Variants in PDXDC1 observed in about 807,000 individuals in gnomAD.
PDXDC1 encodes pyridoxal-dependent decarboxylase domain-containing protein 1.
A neutral mutation model predicts 100.1 loss-of-function variants in PDXDC1; 42 were observed. The observed-to-expected ratio is 0.42, with a 90% confidence interval of 0.33 to 0.54. The LOEUF is 0.54. Among genes scored for constraint, PDXDC1 ranks in the 20% least tolerant of loss-of-function variants. The probability of loss-of-function intolerance (pLI) is 0.10; values close to 1 mark genes in which losing one functional copy is unlikely to be tolerated. For missense variants in PDXDC1, 636 were observed against 979.2 expected (o/e 0.65, Z 4.68); for synonymous variants, 260 against 371.7 (o/e 0.70, Z 3.46).
chr16:15,067,888 G>A (rs567630271), intron 16 of PDXDC1, among the ~76,000 whole-genome samples: 132 of 152,046 alleles, frequency 8.7e-4, no homozygotes, highest in African/African-American at 3.1e-3. Flanking sequence ...CTCCTGAGTA[G>A]TTGGGACTAC....
intron 14 of PDXDC1, among the ~76,000 whole-genome samples, chr16:15,027,419 C>T (rs1476410093): frequency 4.6e-5 from 7 of 152,264 alleles, no homozygotes; most frequent in African/African-American, 1.7e-4. Context: ...TTAATTTAGC[C>T]GTCTGTAGGC....
At chr16:15,048,162 T>C (rs1164817494) in intron 16 of PDXDC1, 1 of 1,230,034 alleles carries the variant, frequency 8.1e-7, no homozygotes, top group Non-Finnish European at 1.2e-6. Context: ...AAACTAAAGA[T>C]GTGGAGAGAG....
chr16:15,063,447 G>A (rs984154282), intron 16 of PDXDC1, among the ~76,000 whole-genome samples: 4 of 152,036 alleles, frequency 2.6e-5, no homozygotes, highest in Admixed American at 6.6e-5. Context: ...AGTGGCTCAC[G>A]CCTGTAATCC....
chr16:15,110,832 A>G, intron 16 of PDXDC1: 1 of 1,559,720 alleles, frequency 6.4e-7, no homozygotes, highest in East Asian at 2.2e-5. Flanking sequence ...CTAGGAAATA[A>G]TAATATAAGA....
intron 16 of PDXDC1, among the ~76,000 whole-genome samples, chr16:15,090,878 T>G (rs1235111752): frequency 4.0e-5 from 6 of 151,842 alleles, no homozygotes; most frequent in African/African-American, 7.2e-5. Flanking sequence ...GGTTTGTTTT[T>G]TTTTTTTTTT....
chr16:15,084,831 C>T (rs8061051), intron 16 of PDXDC1: 6 of 696,616 alleles, frequency 8.6e-6, no homozygotes, highest in South Asian at 6.2e-5. Context: ...TTTGGGAGGC[C>T]GAGGTGGGTG....
chr16:15,104,368 C>T (rs1186612922), intron 16 of PDXDC1: 11 of 1,598,228 alleles, frequency 6.9e-6, no homozygotes, highest in Admixed American at 3.3e-5. Flanking sequence ...AGATTATCAT[C>T]CACTGAGGGT....
chr16:15,022,480 T>G (rs1413874164), intron 12 of PDXDC1, among the ~76,000 whole-genome samples: 1 of 152,296 alleles, frequency 6.6e-6, no homozygotes, highest in Non-Finnish European at 1.5e-5. Context: ...TTTCCATGTC[T>G]TATTAGAAAC....
intron 17 of PDXDC1, 38 bp from the exon 18 acceptor site, chr16:15,032,823 C>T (rs1176699055): frequency 8.8e-7 from 1 of 1,140,134 alleles, no homozygotes; most frequent in South Asian, 1.2e-5. Flanking sequence ...GACATTTGAT[C>T]TTTTAAGCTG....
intron 16 of PDXDC1, among the ~76,000 whole-genome samples, chr16:15,091,812 C>T (rs1320134575): frequency 6.6e-6 from 1 of 152,134 alleles, no homozygotes; most frequent in East Asian, 1.9e-4. Context: ...TAAACTACCA[C>T]AAAAACAAAA....
At chr16:15,124,457 A>C (rs565426872) in intron 16 of PDXDC1, among the ~76,000 whole-genome samples, 1 of 152,108 alleles carries the variant, frequency 6.6e-6, no homozygotes, top group Non-Finnish European at 1.5e-5. Context: ...ATAGAAAAAC[A>C]ACCCTAAGAA....
At chr16:14,993,963 A>G (rs368824760) in intron 1 of PDXDC1, among the ~76,000 whole-genome samples, 4 of 152,282 alleles carry the variant, frequency 2.6e-5, no homozygotes, top group South Asian at 2.1e-4. Flanking sequence ...GTCTGTTCAT[A>G]TCCTTCGCCC....
At chr16:15,055,549 T>C (rs911923596) in intron 16 of PDXDC1, among the ~76,000 whole-genome samples, 4 of 152,190 alleles carry the variant, frequency 2.6e-5, no homozygotes, top group African/African-American at 7.2e-5. Flanking sequence ...CGGATTTGCC[T>C]AAACGGACCC....
intron 1 of PDXDC1, among the ~76,000 whole-genome samples, chr16:14,992,856 T>C (rs1971144361): frequency 1.3e-5 from 2 of 152,344 alleles, no homozygotes; most frequent in South Asian, 4.1e-4. Flanking sequence ...ATACTTTTTT[T>C]TTTTTTTCTT....
intron 16 of PDXDC1, chr16:15,137,839 C>G (rs2048398960): frequency 1.4e-6 from 2 of 1,434,360 alleles, no homozygotes; most frequent in African/African-American, 1.4e-5. Flanking sequence ...CCTCGGGCTG[C>G]ACCACCCGCA....
chr16:14,984,387 T>C (rs1313601139), intron 1 of PDXDC1, among the ~76,000 whole-genome samples: 2 of 104,278 alleles, frequency 1.9e-5, no homozygotes, highest in Non-Finnish European at 3.8e-5. Flanking sequence ...GGATTTGAGG[T>C]GTGTGTTTGT....
intron 4 of PDXDC1, among the ~76,000 whole-genome samples, chr16:15,003,379 G>A (rs1973587082): frequency 6.6e-6 from 1 of 152,198 alleles, no homozygotes; most frequent in South Asian, 2.1e-4. Context: ...ACCAGGCCCG[G>A]CTAATTTTTT....
chr16:15,010,867 G>A (rs1314582981), intron 8 of PDXDC1, among the ~76,000 whole-genome samples: 2 of 152,278 alleles, frequency 1.3e-5, no homozygotes, highest in African/African-American at 4.8e-5. Context: ...AAAAATTTAT[G>A]GATAAATTTA....
In PDXDC1 at chr16:15,033,284, A is replaced by G. The variant is rs367746085; in HGVS notation, c.1697A>G (p.Glu566Gly). The change falls in exon 19 of 23, where the codon GAG becomes GGG. Residue 566 changes from glutamate to glycine, a missense_variant. Transcript: ENST00000396410. ...TGTCTCGTTACCTTTGCAGGCCCTGAGTATAAGAGCATGAAGAGCTGCCTT... is the reference window on the plus strand; with the variant it reads ...TGTCTCGTTACCTTTGCAGGCCCTGGGTATAAGAGCATGAAGAGCTGCCTT... ...ESDLTFKIGP[E>G]YKSMKSCLYV... The G allele has an allele frequency of 5.0e-6, 8 of 1,614,080 alleles. No homozygotes were observed. The African/African-American group carries it at 9.3e-5, about 19-fold the overall frequency.
Sources: gnomAD v4.1 joint callset for allele counts (sites outside exome capture counted in the v4.1 genomes callset) on GRCh38, gnomAD v4.1.1 for gene constraint, MANE v1.5 for transcripts, NCBI Gene and HGNC (gene_info 2026-07-23, HGNC 2026-07-21) for gene names.